Variants in THSD7B observed in about 807,000 individuals in gnomAD.
THSD7B encodes the protein thrombospondin type 1 domain containing 7B.
A neutral mutation model predicts 213.6 loss-of-function variants in THSD7B; 138 were observed. The ratio of observed to expected loss-of-function variants is 0.65; its 90% CI spans 0.56 to 0.74. THSD7B has a LOEUF of 0.74. THSD7B is among the 30% of genes least tolerant of loss of function. THSD7B has a pLI of 0.00. For missense variants in THSD7B, 1,931 were observed against 1,991.5 expected (o/e 0.97, Z 0.58); for synonymous variants, 742 against 687.0 (o/e 1.08, Z -1.25).
chr2:137,500,471 C>T (rs1297169799), intron 15 of THSD7B, among the ~76,000 whole-genome samples: 1 of 152,062 alleles, frequency 6.6e-6, no homozygotes, highest in Non-Finnish European at 1.5e-5. Context: ...CTTTCCAGTG[C>T]CTAGAGGGTT....
chr2:137,471,640 C>CTTT (rs1447794161), intron 15 of THSD7B, among the ~76,000 whole-genome samples: 11 of 151,994 alleles, frequency 7.2e-5, no homozygotes, highest in African/African-American at 2.7e-4. Flanking sequence ...TCCCCAGCCT[C>CTTT]AAGAGGATAA....
chr2:137,168,152 A>G (rs1179946225), intron 6 of THSD7B, among the ~76,000 whole-genome samples: 2 of 152,190 alleles, frequency 1.3e-5, no homozygotes, highest in Non-Finnish European at 2.9e-5. Context: ...TAGTTTATGC[A>G]TGTGCCTTTT....
At chr2:137,569,755 A>G (rs1360967941) in intron 16 of THSD7B, among the ~76,000 whole-genome samples, 2 of 151,944 alleles carry the variant, frequency 1.3e-5, no homozygotes, top group Non-Finnish European at 2.9e-5. Flanking sequence ...GTCCTCTCCC[A>G]TGTTCTCTGT....
chr2:137,269,498 A>G (rs1682684610), intron 10 of THSD7B, among the ~76,000 whole-genome samples: 1 of 152,184 alleles, frequency 6.6e-6, no homozygotes, highest in African/African-American at 2.4e-5. Flanking sequence ...AGGTGAAGGC[A>G]TCCCTTTCGT....
intron 15 of THSD7B, among the ~76,000 whole-genome samples, chr2:137,483,013 G>C (rs978828899): frequency 3.9e-5 from 6 of 152,084 alleles, no homozygotes; most frequent in African/African-American, 1.4e-4. Flanking sequence ...AGTGATAGAA[G>C]TCATGACCAA....
intron 14 of THSD7B, among the ~76,000 whole-genome samples, chr2:137,422,425 G>A (rs1686948497): frequency 6.6e-6 from 1 of 152,140 alleles, no homozygotes; most frequent in Admixed American, 6.5e-5. Flanking sequence ...AGCAGTTGCT[G>A]GAGACAAGGG....
At chr2:137,069,338 T>A (rs1687437139) in intron 3 of THSD7B, among the ~76,000 whole-genome samples, 1 of 152,078 alleles carries the variant, frequency 6.6e-6, no homozygotes, top group South Asian at 2.1e-4. Flanking sequence ...TTCCTTTTTA[T>A]TTTTTTGGAG....
rs1196123197 is a variant in THSD7B at position 137,664,718 on chromosome 2, G to A, written c.4651+1143G>A. 2.0e-5 allele frequency among the ~76,000 whole-genome samples: 3 copies of A among 152,166 alleles called. 1 individual carries two copies. The highest frequency in any genetic ancestry group is 4.4e-5 in the Non-Finnish European group (3 of 68,026). On this transcript the variant is annotated intron_variant, in intron 26 of 27. Transcript: ENST00000409968. ...GCAAGTGACAGAGGAAGGTTTTAAA[G>A]GCAGATCTTTTAGGCTTTTACAAAC...
chr2:137,671,247 TAAA>T (rs34209454), intron 27 of THSD7B, among the ~76,000 whole-genome samples: 40,535 of 133,234 alleles, frequency 0.3, 6,983 homozygotes, highest in Middle Eastern at 0.41. Context: ...TTTTTTTTTT[TAAA>T]AAAAAAAAAA....
intron 5 of THSD7B, among the ~76,000 whole-genome samples, chr2:137,158,362 C>T (rs1177437169): frequency 1.3e-5 from 2 of 152,158 alleles, no homozygotes; most frequent in African/African-American, 4.8e-5. Context: ...TGATTGCCAC[C>T]TCTTCTCAGC....
chr2:137,364,750 C>G (rs181235543), intron 12 of THSD7B, among the ~76,000 whole-genome samples: 1 of 152,196 alleles, frequency 6.6e-6, no homozygotes, highest in African/African-American at 2.4e-5. Flanking sequence ...AGGACACAAA[C>G]AAATGAAAAA....
chr2:136,827,687 A>C (rs1682670615), intron 1 of THSD7B, among the ~76,000 whole-genome samples: 1 of 152,070 alleles, frequency 6.6e-6, no homozygotes, highest in Non-Finnish European at 1.5e-5. Flanking sequence ...GATACAGGTA[A>C]ATTTCTTGAG....
At chr2:137,347,506 A>G (rs1220034476) in intron 12 of THSD7B, among the ~76,000 whole-genome samples, 2 of 151,142 alleles carry the variant, frequency 1.3e-5, no homozygotes, top group Non-Finnish European at 3.0e-5. Context: ...AACGGAGACA[A>G]CTCCTTTTCA....
intron 12 of THSD7B, among the ~76,000 whole-genome samples, chr2:137,280,883 C>T (rs564078463): frequency 7.9e-5 from 12 of 152,074 alleles, no homozygotes; most frequent in Non-Finnish European, 1.0e-4. Context: ...CTCCAGGGAC[C>T]GATTTTTTGT....
chr2:137,017,269 C>T (rs982503412), intron 2 of THSD7B, among the ~76,000 whole-genome samples: 2 of 149,664 alleles, frequency 1.3e-5, no homozygotes, highest in African/African-American at 4.9e-5. Flanking sequence ...TGAAGTTGAA[C>T]GAAGGGGCTT....
intron 1 of THSD7B, among the ~76,000 whole-genome samples, chr2:136,791,773 C>T (rs1442233626): frequency 2.6e-5 from 4 of 151,992 alleles, no homozygotes; most frequent in African/African-American, 4.8e-5. Flanking sequence ...GGATACACCA[C>T]GTTTTATTTG....
intron 5 of THSD7B, among the ~76,000 whole-genome samples, chr2:137,117,841 AGG>A (rs1688471270): frequency 6.6e-6 from 1 of 152,232 alleles, no homozygotes; most frequent in East Asian, 1.9e-4. Context: ...TCCCTCCCAA[AGG>A]TCTCCAGATC....
chr2:137,194,157 C>T (rs985952423), intron 7 of THSD7B, among the ~76,000 whole-genome samples: 1 of 152,136 alleles, frequency 6.6e-6, no homozygotes, highest in Admixed American at 6.5e-5. Context: ...TGGAGAAAAC[C>T]CATCTTCCAA....
At chr2:136,765,765 G>A (rs1312398571) in intron 1 of THSD7B, 78 bp downstream of exon 1, 1 of 152,258 alleles carries the variant, frequency 6.6e-6, no homozygotes, top group Non-Finnish European at 1.5e-5. Context: ...GGGTGGCAGC[G>A]CCGGGGAAGG....
Sources: allele counts gnomAD v4.1 joint callset (sites outside exome capture counted in the v4.1 genomes callset), GRCh38; gene constraint gnomAD v4.1.1; transcripts MANE v1.5; gene names NCBI Gene and HGNC (gene_info 2026-07-23, HGNC 2026-07-21).